The following BEND4 variants were observed in gnomAD, a reference collection of about 807,000 sequenced individuals.
BEND4 encodes BEN domain containing 4, also known as BEN domain-containing protein 4.
In BEND4, 27 loss-of-function variants were observed where a neutral mutation model predicts 54.7. The ratio of observed to expected loss-of-function variants is 0.49; its 90% CI spans 0.36 to 0.68. BEND4 has a LOEUF of 0.68. Ranked by LOEUF, BEND4 falls within the 30% of genes least tolerant of loss-of-function variation. BEND4 has a pLI of 0.00. For synonymous variants in BEND4, 327 were observed against 299.5 expected (o/e 1.09, Z -0.95); for missense variants, 702 against 697.2 (o/e 1.01, Z -0.08).
At chr4:42,147,921 C>G (rs1192308765) in intron 2 of BEND4, among the ~76,000 whole-genome samples, 8 of 152,184 alleles carry the variant, frequency 5.3e-5, no homozygotes, top group South Asian at 4.1e-4. Context: ...TTGCCCATCA[C>G]AGCAGATCCC....
intron 3 of BEND4, among the ~76,000 whole-genome samples, chr4:42,131,582 T>C (rs1413865628): frequency 1.3e-5 from 2 of 151,082 alleles, no homozygotes; most frequent in Non-Finnish European, 3.0e-5. Flanking sequence ...GGCTGGCTCT[T>C]TCTTTCTTTC....
At chr4:42,139,641 AC>A (rs1384242634) in intron 3 of BEND4, among the ~76,000 whole-genome samples, 3 of 151,636 alleles carry the variant, frequency 2.0e-5, no homozygotes, top group African/African-American at 7.3e-5. Flanking sequence ...CAGACAAATG[AC>A]CGAGGAACGC....
At chr4:42,145,617 A>C (rs879286526) in intron 2 of BEND4, among the ~76,000 whole-genome samples, 1 of 151,592 alleles carries the variant, frequency 6.6e-6, no homozygotes, top group Non-Finnish European at 1.5e-5. Context: ...GCTTGAACCC[A>C]GAAGACAGAG....
rs145676520 is a variant in BEND4 at position 42,143,517 on chromosome 4, T to C, written c.965A>G (p.Tyr322Cys). 4.6e-4 allele frequency: 721 copies of C among 1,553,198 alleles called. No homozygotes were observed. The highest frequency in any genetic ancestry group is 5.7e-4 in the Non-Finnish European group (659 of 1,147,640). The part of the protein sequence containing the change: ...EEEEEEDEEG[Y>C]CPRCQELEQE... ...CTCCAGCTCTTGGCATCGAGGACAATAGCCTTCCTCGTCCTCCTCCTCCTC... is the reference window on the plus strand; with the variant it reads ...CTCCAGCTCTTGGCATCGAGGACAACAGCCTTCCTCGTCCTCCTCCTCCTC... Residue 322 changes from tyrosine (Y) to cysteine (C), a missense_variant, in exon 3 of 6, where the codon TAT becomes TGT. Transcript: ENST00000502486.
chr4:42,114,669 C>G lies in BEND4; in HGVS notation c.*2849G>C, dbSNP rs1369218018. The G allele has an allele frequency of 1.3e-5, 2 of 152,182 alleles. No homozygotes were observed. Among genetic ancestry groups the G allele is most frequent in the Non-Finnish European group, 2.9e-5 (2 of 68,040 alleles). 9.4% of individuals were successfully genotyped at this position (152,182 alleles called of 1,614,324 possible). Reference sequence around the variant, plus strand: ...GATTTCAACTGAAAGGCTCACAGAGCAATGACAGCATCCGATCCTAGTGAG... The same window carrying G: ...GATTTCAACTGAAAGGCTCACAGAGGAATGACAGCATCCGATCCTAGTGAG... On this transcript the variant is annotated 3_prime_UTR_variant, in exon 6 of 6. Coordinates refer to ENST00000502486, the MANE Select transcript of BEND4 (RefSeq NM_207406.4).
intron 2 of BEND4, among the ~76,000 whole-genome samples, chr4:42,145,855 G>A (rs1721064196): frequency 6.6e-6 from 1 of 152,104 alleles, no homozygotes; most frequent in African/African-American, 2.4e-5. Flanking sequence ...AACTGCACTG[G>A]AGTGTCAGAG....
intron 3 of BEND4, among the ~76,000 whole-genome samples, chr4:42,141,592 T>A (rs1720882865): frequency 6.6e-6 from 1 of 151,692 alleles, no homozygotes; most frequent in African/African-American, 2.4e-5. Flanking sequence ...AAAAAAAAAA[T>A]TAGCCAGGCG....
intron 3 of BEND4, among the ~76,000 whole-genome samples, chr4:42,142,044 C>G (rs1277666160): frequency 6.6e-6 from 1 of 151,736 alleles, no homozygotes; most frequent in East Asian, 2.0e-4. Flanking sequence ...GCTGGGACTA[C>G]AGGCACCTGC....
chr4:42,135,184 C>A (rs891273482), intron 3 of BEND4, among the ~76,000 whole-genome samples: 28 of 151,970 alleles, frequency 1.8e-4, no homozygotes, highest in African/African-American at 6.5e-4. Flanking sequence ...AAGCAGAGGT[C>A]CCACTGATGG....
intron 3 of BEND4, among the ~76,000 whole-genome samples, chr4:42,127,610 G>A (rs1241372159): frequency 1.3e-5 from 2 of 152,166 alleles, no homozygotes; most frequent in African/African-American, 4.8e-5. Context: ...TTCACTGATT[G>A]TGTGACCTTG....
At position 42,136,717 on chromosome 4, in the gene BEND4, G is replaced by A. The variant is rs928888238; in HGVS notation, c.1054+6711C>T. 2.6e-5 allele frequency among the ~76,000 whole-genome samples: 4 copies of A among 152,122 alleles called. No homozygotes were observed. The East Asian group carries it at 5.8e-4, about 22-fold the overall frequency. On this transcript the variant is annotated intron_variant, in intron 3 of 5. Transcript: ENST00000502486. ...GTTGGTGATCTCACTGTTTCAAATG[G>A]CCCCAGTTGTAGCACTGAAGTGCTG...
rs1358422293 is a variant in BEND4 at position 42,113,495 on chromosome 4, G to A, written c.*4023C>T. The A allele has an allele frequency of 1.3e-5, 2 of 152,166 alleles. No homozygotes were observed. Among genetic ancestry groups the A allele is most frequent in the African/African-American group, 4.8e-5 (2 of 41,446 alleles). The allele number at this position is 152,166 out of a possible 1,614,324, so 9.4% of individuals were successfully genotyped here. A position where few individuals can be genotyped will look rare whatever the true frequency, so the allele number is the denominator to read the frequency against. Reference sequence around the variant, plus strand: ...ATCTGTTTTCTGAGAGCAACAGAAGGGAGGCAACAAGCCATTGAGAGCGGC... The same window carrying A: ...ATCTGTTTTCTGAGAGCAACAGAAGAGAGGCAACAAGCCATTGAGAGCGGC... On this transcript the variant is annotated 3_prime_UTR_variant, in exon 6 of 6. Transcript: ENST00000502486.
At chr4:42,118,545 C>T (rs959314564) in intron 5 of BEND4, among the ~76,000 whole-genome samples, 5 of 152,238 alleles carry the variant, frequency 3.3e-5, no homozygotes, top group Non-Finnish European at 5.9e-5. Context: ...ATCAGTGTGA[C>T]AGTGGCTCCT....
rs555682076 is a variant in BEND4 at position 42,114,053 on chromosome 4, T to C, written c.*3465A>G. The C allele has an allele frequency of 1.3e-5, 2 of 152,334 alleles. No homozygotes were observed. Among genetic ancestry groups the C allele is most frequent in the South Asian group, 4.2e-4 (2 of 4,818 alleles). The allele number at this position is 152,334 out of a possible 1,614,324, so 9.4% of individuals were successfully genotyped here. On this transcript the variant is annotated 3_prime_UTR_variant, in exon 6 of 6. Coordinates refer to ENST00000502486, the MANE Select transcript of BEND4 (RefSeq NM_207406.4). ...ATGTTCAAGTAAAATGAGAAAGTACTTGTAAAATTGAAATGGTTACAGTTT... is the reference window on the plus strand; with the variant it reads ...ATGTTCAAGTAAAATGAGAAAGTACCTGTAAAATTGAAATGGTTACAGTTT...
chr4:42,136,621 G>A (rs543796472), intron 3 of BEND4, among the ~76,000 whole-genome samples: 1 of 152,196 alleles, frequency 6.6e-6, no homozygotes, highest in African/African-American at 2.4e-5. Context: ...TTCAGCTCTC[G>A]TAACTGTAAA....
At position 42,151,847 on chromosome 4, in the gene BEND4, C is replaced by A. The variant is rs1348641780; in HGVS notation, c.297G>T (p.Ser99=). ...GPGRAAAAAS[S]SSPSCTPATS... ...TGGCGGGCGTGCAGGACGGCGACGA[C>A]GACGAAGCGGCGGCGGCGGCCCGGC... Residue 99 remains serine (S), a synonymous_variant, in exon 2 of 6, where the codon TCG becomes TCT. Transcript: ENST00000502486. 15 of 1,330,974 alleles carry A rather than the reference C, an allele frequency of 1.1e-5. No homozygotes were observed. The highest frequency in any genetic ancestry group is 1.4e-5 in the Non-Finnish European group (15 of 1,050,344). 82.4% of individuals were successfully genotyped at this position (1,330,974 alleles called of 1,614,324 possible).
rs1330997881 is a variant in BEND4, at chr4:42,115,462, A to C, written c.*2056T>G. On this transcript the variant is annotated 3_prime_UTR_variant, in exon 6 of 6. Transcript: ENST00000502486. ...TATGAAGAAATATTCAGGACTCTCA[A>C]ACTTCCAGAAAAACAAGAAGGGCTA... 1 of 152,244 alleles carries C rather than the reference A, an allele frequency of 6.6e-6. No individual in the cohort carries two copies. Among genetic ancestry groups the C allele is most frequent in the Non-Finnish European group, 1.5e-5 (1 of 68,038 alleles). 9.4% of individuals were successfully genotyped at this position (152,244 alleles called of 1,614,324 possible).
At position 42,151,726 on chromosome 4, in the gene BEND4, G is replaced by A. The variant is rs1206229869; in HGVS notation, c.418C>T (p.Pro140Ser). ...GTGCCGGCGGCCGCCGCCGCGCCTG[G>A]GCCATACCTGACGACAGCGGCGAAC... is the stretch of plus-strand genomic sequence containing the variant. ...SSFAAVVRYG[P>S]GAAAAAGTGG... The change falls in exon 2 of 6, where the codon CCA (proline) becomes TCA (serine). Residue 140 changes from proline (P) to serine (S), a missense_variant. Coordinates refer to ENST00000502486, the MANE Select transcript of BEND4 (RefSeq NM_207406.4). The A allele has an allele frequency of 2.0e-6, 3 of 1,505,472 alleles. No homozygotes were observed. Among genetic ancestry groups the A allele is most frequent in the East Asian group, 5.6e-5 (2 of 35,716 alleles). The allele number at this position is 1,505,472 out of a possible 1,614,324, so 93.3% of individuals were successfully genotyped here.
At chr4:42,151,352 C>G (rs1490047799) in intron 2 of BEND4, 1 of 226,978 alleles carries the variant, frequency 4.4e-6, no homozygotes, top group Non-Finnish European at 8.6e-6. Flanking sequence ...CCCGGGGGGG[C>G]GTCTGGCCCC....
Sources: allele counts gnomAD v4.1 joint callset (sites outside exome capture counted in the v4.1 genomes callset), GRCh38; gene constraint gnomAD v4.1.1; transcripts MANE v1.5; gene names NCBI Gene and HGNC (gene_info 2026-07-23, HGNC 2026-07-21).